Variants in BAZ2B observed in about 807,000 individuals in gnomAD.
The protein encoded by BAZ2B is bromodomain adjacent to zinc finger domain protein 2B.
BAZ2B carries 91 observed loss-of-function variants against 246.0 expected under a neutral mutation model. The ratio of observed to expected loss-of-function variants is 0.37; its 90% confidence interval spans 0.31 to 0.44. The LOEUF (loss-of-function observed/expected upper bound fraction) is 0.44, where lower values mean the gene tolerates loss of function less well. Ranked by LOEUF, BAZ2B falls within the 20% of genes least tolerant of loss-of-function variation. BAZ2B has a pLI of 1.00. For missense variants in BAZ2B, 2,332 were observed against 2,533.7 expected (o/e 0.92, Z 1.71); for synonymous variants, 855 against 860.0 (o/e 0.99, Z 0.10).
intron 1 of BAZ2B, among the ~76,000 whole-genome samples, chr2:159,565,753 G>A (rs1225586143): frequency 1.4e-5 from 2 of 145,704 alleles, no homozygotes; most frequent in Admixed American, 7.0e-5. Context: ...TTCCAGCCTG[G>A]GCAACAGAGT....
chr2:159,418,093 ATGGAAAAGGGAATTAAG>A (rs1177758133), intron 13 of BAZ2B, among the ~76,000 whole-genome samples: 2 of 152,234 alleles, frequency 1.3e-5, no homozygotes, highest in Non-Finnish European at 1.5e-5. Context: ...TCTAAAGAAC[ATGGAAAAGGGAATTAAG>A]TGGCAATGAT....
At chr2:159,351,372 T>C (rs1022235387) in intron 27 of BAZ2B, among the ~76,000 whole-genome samples, 1 of 152,184 alleles carries the variant, frequency 6.6e-6, no homozygotes, top group Non-Finnish European at 1.5e-5. Flanking sequence ...TCTACTGATA[T>C]ATAATAATAG....
At chr2:159,413,132 T>C (rs1037188583) in intron 13 of BAZ2B, among the ~76,000 whole-genome samples, 3 of 152,160 alleles carry the variant, frequency 2.0e-5, no homozygotes, top group African/African-American at 7.2e-5. Flanking sequence ...TACAATCACC[T>C]ATAAAATAGT....
intron 13 of BAZ2B, among the ~76,000 whole-genome samples, chr2:159,416,985 C>T (rs989837067): frequency 1.1e-4 from 16 of 152,140 alleles, no homozygotes; most frequent in African/African-American, 3.9e-4. Context: ...TCATTTGATT[C>T]ACATGCCATT....
rs144143309 is a variant in BAZ2B at position 159,396,716 on chromosome 2, C to G, written c.3009+629G>C. 4.4e-3 allele frequency among the ~76,000 whole-genome samples: 666 copies of G among 152,116 alleles called. 5 individuals are homozygous for G. Among genetic ancestry groups the G allele is most frequent in the African/African-American group, 0.015 (625 of 41,496 alleles). Reference sequence around the variant, plus strand: ...ATATATTTCATATTCTCTCATCAAACAAACTCAAAATTCCCACTGTATTCA... The same window carrying G: ...ATATATTTCATATTCTCTCATCAAAGAAACTCAAAATTCCCACTGTATTCA... On this transcript the variant is annotated intron_variant, in intron 19 of 36. Coordinates refer to ENST00000392783, the MANE Select transcript of BAZ2B (RefSeq NM_013450.4).
At chr2:159,422,608 G>T (rs1395569693) in intron 13 of BAZ2B, among the ~76,000 whole-genome samples, 1 of 151,964 alleles carries the variant, frequency 6.6e-6, no homozygotes, top group Non-Finnish European at 1.5e-5. Context: ...ATGTATTAAA[G>T]ACTTAAATTC....
At chr2:159,485,827 T>C (rs938086024) in intron 2 of BAZ2B, among the ~76,000 whole-genome samples, 1 of 152,088 alleles carries the variant, frequency 6.6e-6, no homozygotes, top group Non-Finnish European at 1.5e-5. Context: ...CAAATGTGTA[T>C]CATGTTAAAT....
intron 29 of BAZ2B, 47 bp from the exon 30 acceptor site, chr2:159,348,880 G>A (rs760997323): frequency 1.5e-5 from 24 of 1,560,486 alleles, no homozygotes; most frequent in Non-Finnish European, 1.8e-5. Context: ...TTTTGAATAG[G>A]AAATGACACC....
chr2:159,588,020 C>T (rs892798657), intron 1 of BAZ2B, among the ~76,000 whole-genome samples: 23 of 152,004 alleles, frequency 1.5e-4, no homozygotes, highest in Non-Finnish European at 2.4e-4. Context: ...AGTTGAGACC[C>T]GGTCTCTACT....
chr2:159,437,735 G>C (rs181847557), intron 8 of BAZ2B: 60 of 152,448 alleles, frequency 3.9e-4, no homozygotes, highest in African/African-American at 1.3e-3. Context: ...TGGCCAACAT[G>C]GTGAAACCCC....
At chr2:159,583,182 T>A (rs1000561640) in intron 1 of BAZ2B, among the ~76,000 whole-genome samples, 1 of 151,430 alleles carries the variant, frequency 6.6e-6, no homozygotes, top group African/African-American at 2.4e-5. Flanking sequence ...TGGCGCGATC[T>A]CAGCTCACTG....
chr2:159,632,286 C>T, the BAZ2B span, among the ~76,000 whole-genome samples: 2 of 152,136 alleles, frequency 1.3e-5, no homozygotes, highest in Non-Finnish European at 1.5e-5. Flanking sequence ...TCACACAAAG[C>T]TGTGTAGGTT....
intron 20 of BAZ2B, among the ~76,000 whole-genome samples, chr2:159,391,922 T>C (rs2063378343): frequency 6.6e-6 from 1 of 152,196 alleles, no homozygotes; most frequent in Admixed American, 6.6e-5. Context: ...ATGAATTGTA[T>C]AGAACTAATA....
intron 24 of BAZ2B, 121 bp downstream of exon 24, chr2:159,383,485 T>G (rs2062248521): frequency 1.2e-6 from 1 of 857,756 alleles, no homozygotes; most frequent in African/African-American, 1.7e-5. Context: ...CCCATCTAAA[T>G]TGAGCATTAT....
At chr2:159,466,990 A>T (rs941843276) in intron 3 of BAZ2B, among the ~76,000 whole-genome samples, 1 of 152,210 alleles carries the variant, frequency 6.6e-6, no homozygotes, top group Non-Finnish European at 1.5e-5. Flanking sequence ...GACACATCAA[A>T]TTAATTATTA....
the BAZ2B span, among the ~76,000 whole-genome samples, chr2:159,681,410 G>C: frequency 1.4e-5 from 2 of 146,896 alleles, no homozygotes; most frequent in Non-Finnish European, 3.0e-5. Flanking sequence ...ACAATACATA[G>C]ATATGAAAAA....
chr2:159,513,776 T>G (rs1300976792), intron 2 of BAZ2B, among the ~76,000 whole-genome samples: 1 of 152,214 alleles, frequency 6.6e-6, no homozygotes, highest in Non-Finnish European at 1.5e-5. Flanking sequence ...TATAGTCTAT[T>G]CTAAACATAG....
At position 159,544,752 on chromosome 2, in the gene BAZ2B, T is replaced by C. The variant is rs530380929; in HGVS notation, c.-3+11071A>G. Among the ~76,000 whole-genome samples the C allele has an allele frequency of 9.2e-5, 14 of 152,182 alleles. No homozygotes were observed. The East Asian group carries it at 2.7e-3, about 29-fold the overall frequency. Reference sequence around the variant, plus strand: ...TGGATTGGCATTGGGTAAGGAGAGGTAGTGGCACTTCGAGAAAAGGAAATA... The same window carrying C: ...TGGATTGGCATTGGGTAAGGAGAGGCAGTGGCACTTCGAGAAAAGGAAATA... On this transcript the variant is annotated intron_variant, in intron 2 of 36. Transcript: ENST00000392783.
Position 159,438,341 on chromosome 2 carries a change from CTTCAG to C in BAZ2B, c.1250_1254del (p.Ser417Ter). On this transcript the variant is annotated frameshift_variant, in exon 8 of 37. Coordinates refer to ENST00000392783, the MANE Select transcript of BAZ2B (RefSeq NM_013450.4). LOFTEE classifies it high-confidence loss of function. ...AATTCACTGGTCAATAAACTAGATT[CTTCAG>C]AGGTATTTTTATTCCCTGCTTTAAG... 6.2e-7 allele frequency: 1 copy of C among 1,613,944 alleles called. No homozygotes were observed. Among genetic ancestry groups the C allele is most frequent in the Non-Finnish European group, 8.5e-7 (1 of 1,179,944 alleles).
Sources: gnomAD v4.1 joint callset for allele counts (sites outside exome capture counted in the v4.1 genomes callset) on GRCh38, gnomAD v4.1.1 for gene constraint, MANE v1.5 for transcripts, NCBI Gene and HGNC (gene_info 2026-07-23, HGNC 2026-07-21) for gene names.